GBE1: variants seen among roughly 807,000 people sequenced by gnomAD.
The protein encoded by GBE1 is 1,4-alpha-glucan-branching enzyme.
A neutral mutation model predicts 88.8 loss-of-function variants in GBE1; 70 were observed. That is an observed-to-expected ratio of 0.79 (90% CI 0.65 to 0.96). The LOEUF is 0.96. Among genes scored for constraint, GBE1 ranks in the 40% least tolerant of loss-of-function variants. The probability of loss-of-function intolerance (pLI) is 0.00; values close to 1 mark genes in which losing one functional copy is unlikely to be tolerated. For synonymous variants in GBE1, 284 were observed against 300.1 expected, an observed-to-expected ratio of 0.95 and a Z score of 0.56; for missense variants, 872 against 871.0, an observed-to-expected ratio of 1.00 and a Z score of -0.01.
At chr3:81,719,753 A>G (rs1027455903) in intron 1 of GBE1, among the ~76,000 whole-genome samples, 9 of 152,210 alleles carry the variant, frequency 5.9e-5, no homozygotes, top group Admixed American at 2.0e-4. Context: ...TTTATGATAT[A>G]TAGTTTCAAA....
intron 1 of GBE1, among the ~76,000 whole-genome samples, chr3:81,735,520 G>C (rs565959624): frequency 6.6e-6 from 1 of 152,284 alleles, no homozygotes; most frequent in Non-Finnish European, 1.5e-5. Flanking sequence ...AGTCAGCCAA[G>C]CCACTGGACC....
At chr3:81,612,937 AAGAT>A in intron 7 of GBE1, 1 of 393,014 alleles carries the variant, frequency 2.5e-6, no homozygotes. Flanking sequence ...AAAGGAGAAA[AAGAT>A]GATGATGATG....
intron 3 of GBE1, among the ~76,000 whole-genome samples, chr3:81,669,633 A>AAC (rs534835674): frequency 4.0e-5 from 6 of 151,374 alleles, no homozygotes; most frequent in South Asian, 2.1e-4. Context: ...GGAAAAAAAA[A>AAC]ACACACACAC....
At chr3:81,690,107 T>C (rs988341586) in intron 2 of GBE1, among the ~76,000 whole-genome samples, 3 of 152,202 alleles carry the variant, frequency 2.0e-5, no homozygotes, top group Non-Finnish European at 1.5e-5. Flanking sequence ...CAGAGAACTA[T>C]GTGCTTTATC....
At chr3:81,497,752 T>C (rs1209077386) in intron 15 of GBE1, among the ~76,000 whole-genome samples, 1 of 152,190 alleles carries the variant, frequency 6.6e-6, no homozygotes, top group Non-Finnish European at 1.5e-5. Flanking sequence ...TTGCTTGCAA[T>C]CAGTTGCTCC....
chr3:81,586,146 T>G lies in GBE1; in HGVS notation c.1281A>C (p.Gly427=). The G allele has an allele frequency of 6.2e-7, 1 of 1,609,772 alleles. No homozygotes were observed. The highest frequency in any genetic ancestry group is 8.5e-7 in the Non-Finnish European group (1 of 1,178,414). ...MPALCSPISQ[G]GGGFDYRLAM... ...CTAGTCGATAGTCAAAACCACCCCC[T>G]CCCTGGGAAATTGGAGAGCACAGAG... Residue 427 remains glycine, a synonymous_variant, in exon 10 of 16, where the codon GGA becomes GGC. Transcript: ENST00000429644.
chr3:81,664,139 TA>T (rs1203937760), intron 3 of GBE1, among the ~76,000 whole-genome samples: 2 of 152,126 alleles, frequency 1.3e-5, no homozygotes, highest in Admixed American at 6.5e-5. Flanking sequence ...CTAGGAATGC[TA>T]GGGGCAGAGA....
At chr3:81,569,763 A>C (rs1346346916) in intron 12 of GBE1, among the ~76,000 whole-genome samples, 1 of 152,212 alleles carries the variant, frequency 6.6e-6, no homozygotes, top group East Asian at 1.9e-4. Context: ...AACTGTTTCA[A>C]ACATTGATTT....
intron 7 of GBE1, among the ~76,000 whole-genome samples, chr3:81,625,062 TCA>T (rs1230097315): frequency 1.6e-5 from 2 of 127,248 alleles, no homozygotes; most frequent in Non-Finnish European, 3.1e-5. Flanking sequence ...CTTCCCTGCC[TCA>T]GAATCCTGCC....
intron 2 of GBE1, among the ~76,000 whole-genome samples, chr3:81,684,832 CA>C (rs372171790): frequency 9.2e-5 from 14 of 152,224 alleles, no homozygotes; most frequent in African/African-American, 3.1e-4. Context: ...GCAGCTACAC[CA>C]GAACTAAAGC....
In GBE1 at chr3:81,657,931, T is replaced by C. The variant is rs1369126901; in HGVS notation, c.430-8010A>G. Among the ~76,000 whole-genome samples the C allele has an allele frequency of 2.0e-5, 3 of 152,246 alleles. No homozygotes were observed. The East Asian group carries it at 5.8e-4, about 29-fold the overall frequency. ...AGATTAAATGATTAGATTTTGCCCCTGAGCTCTTATATTATGCAAGACTGG... is the reference window on the plus strand; with the variant it reads ...AGATTAAATGATTAGATTTTGCCCCCGAGCTCTTATATTATGCAAGACTGG... On this transcript the variant is annotated intron_variant, in intron 3 of 15. Coordinates refer to ENST00000429644, the MANE Select transcript of GBE1 (RefSeq NM_000158.4).
chr3:81,720,427 C>T (rs2680266), intron 1 of GBE1, among the ~76,000 whole-genome samples: 2,398 of 151,172 alleles, frequency 0.016, 57 homozygotes, highest in African/African-American at 0.054. Flanking sequence ...AACCTAACTC[C>T]GATGAAACAG....
chr3:81,718,952 C>T (rs1705981741), intron 1 of GBE1, among the ~76,000 whole-genome samples: 2 of 151,840 alleles, frequency 1.3e-5, no homozygotes, highest in Admixed American at 6.6e-5. Flanking sequence ...GTAAGTTTTG[C>T]AGTTTACAGT....
At chr3:81,537,553 T>C (rs1301431738) in intron 12 of GBE1, among the ~76,000 whole-genome samples, 1 of 152,056 alleles carries the variant, frequency 6.6e-6, no homozygotes, top group African/African-American at 2.4e-5. Context: ...ATTTCACAGA[T>C]GAGAAATCCA....
intron 14 of GBE1, among the ~76,000 whole-genome samples, chr3:81,500,594 T>TA (rs1189503153): frequency 6.6e-6 from 1 of 152,210 alleles, no homozygotes; most frequent in East Asian, 1.9e-4. Context: ...AGGCTTTTGA[T>TA]AGCAGTGGCT....
intron 1 of GBE1, among the ~76,000 whole-genome samples, chr3:81,723,417 T>A (rs1706064656): frequency 6.6e-6 from 1 of 151,786 alleles, no homozygotes; most frequent in Non-Finnish European, 1.5e-5. Flanking sequence ...AAGTAATTTT[T>A]AAAAAGAAGT....
At chr3:81,535,379 A>C in intron 13 of GBE1, 54 bp from the exon 14 acceptor site, 1 of 1,511,748 alleles carries the variant, frequency 6.6e-7, no homozygotes, top group Non-Finnish European at 8.9e-7. Flanking sequence ...TGCTGCTACA[A>C]GTACATTATT....
intron 1 of GBE1, among the ~76,000 whole-genome samples, chr3:81,738,137 T>C (rs1334940863): frequency 6.6e-6 from 1 of 151,710 alleles, no homozygotes; most frequent in Non-Finnish European, 1.5e-5. Context: ...CACATTTTCT[T>C]AATCCAGTCT....
At chr3:81,583,766 A>G (rs2106941962) in intron 10 of GBE1, among the ~76,000 whole-genome samples, 1 of 152,218 alleles carries the variant, frequency 6.6e-6, no homozygotes, top group South Asian at 2.1e-4. Context: ...GCAAGATGAA[A>G]ATAAGTAGGC....
Sources: gnomAD v4.1 joint callset for allele counts (sites outside exome capture counted in the v4.1 genomes callset) on GRCh38, gnomAD v4.1.1 for gene constraint, MANE v1.5 for transcripts, NCBI Gene and HGNC (gene_info 2026-07-23, HGNC 2026-07-21) for gene names.